Variants in BEND7 observed in about 807,000 individuals in gnomAD.
The protein encoded by BEND7 is BEN domain containing 7, also known as BEN domain-containing protein 7.
Under a neutral mutation model 50.9 loss-of-function variants are expected in BEND7, and 28 were observed. The ratio of observed to expected loss-of-function variants is 0.55; its 90% confidence interval spans 0.41 to 0.75. The LOEUF is 0.75. Among genes scored for constraint, BEND7 ranks in the 30% least tolerant of loss-of-function variants. The probability of loss-of-function intolerance (pLI) is 0.00; values close to 1 mark genes in which losing one functional copy is unlikely to be tolerated. For missense variants in BEND7, 477 were observed against 491.3 expected, an observed-to-expected ratio of 0.97 and a Z score of 0.28; for synonymous variants, 170 against 183.9, an observed-to-expected ratio of 0.92 and a Z score of 0.61.
At chr10:13,521,245 A>G (rs1166550239) in intron 2 of BEND7, among the ~76,000 whole-genome samples, 1 of 151,822 alleles carries the variant, frequency 6.6e-6, no homozygotes, top group Non-Finnish European at 1.5e-5. Flanking sequence ...CCATGCGGTT[A>G]AGGGCTTGCT....
At chr10:13,456,404 C>T (rs950659685) in intron 6 of BEND7, among the ~76,000 whole-genome samples, 3 of 152,154 alleles carry the variant, frequency 2.0e-5, no homozygotes, top group Non-Finnish European at 2.9e-5. Flanking sequence ...TAGGCTAGGC[C>T]GTCTGTCATG....
At chr10:13,486,274 C>T (rs1458536121) in intron 5 of BEND7, among the ~76,000 whole-genome samples, 1 of 152,214 alleles carries the variant, frequency 6.6e-6, no homozygotes, top group Non-Finnish European at 1.5e-5. Context: ...AGCAATCCTC[C>T]TGCCTTGGCC....
chr10:13,470,887 C>A (rs955240614), intron 6 of BEND7, among the ~76,000 whole-genome samples: 1 of 152,202 alleles, frequency 6.6e-6, no homozygotes, highest in Non-Finnish European at 1.5e-5. Context: ...TTGCTGAGGA[C>A]TTAAGGTCCA....
chr10:13,499,576 C>A (rs955402608), intron 3 of BEND7, among the ~76,000 whole-genome samples: 5 of 152,104 alleles, frequency 3.3e-5, no homozygotes, highest in African/African-American at 4.8e-5. Context: ...AACATAGAAC[C>A]CCCTGTCTTT....
intron 6 of BEND7, among the ~76,000 whole-genome samples, chr10:13,460,905 C>G (rs1440826803): frequency 6.6e-6 from 1 of 152,172 alleles, no homozygotes; most frequent in Non-Finnish European, 1.5e-5. Flanking sequence ...TGTGCCAGGA[C>G]TATGCTAGGT....
At position 13,515,907 on chromosome 10, in the gene BEND7, G is replaced by T. The variant is rs377541133; in HGVS notation, c.145+10231C>A. On this transcript the variant is annotated intron_variant, in intron 2 of 8. Transcript: ENST00000466271. The stretch of plus-strand genomic sequence containing the variant: ...TGACGGACACAATGGTGTAGACGGG[G>T]TGCTATCAACAATGGTGTACGTTTA... Among the ~76,000 whole-genome samples, 3 of 152,196 alleles carry T rather than the reference G, an allele frequency of 2.0e-5. No homozygotes were observed. In the South Asian group the frequency reaches 6.2e-4, roughly 32 times the overall value.
intron 6 of BEND7, among the ~76,000 whole-genome samples, chr10:13,457,704 G>C (rs1839292528): frequency 6.6e-6 from 1 of 152,236 alleles, no homozygotes; most frequent in South Asian, 2.1e-4. Context: ...CAGTCAATAT[G>C]CTATGTGAAT....
intron 2 of BEND7, among the ~76,000 whole-genome samples, chr10:13,513,647 A>C (rs1330867861): frequency 6.6e-6 from 1 of 152,090 alleles, no homozygotes; most frequent in South Asian, 2.1e-4. Flanking sequence ...GTATCACTCC[A>C]TGGGGCTACT....
chr10:13,441,208 T>A lies in BEND7; in HGVS notation c.*535A>T. On this transcript the variant is annotated 3_prime_UTR_variant, in exon 9 of 9. Coordinates refer to ENST00000466271, the MANE Select transcript of BEND7 (RefSeq NM_001369863.1). ...ACCAGGCTTGCATTGAATTCTTTTT[T>A]AAAGAACATAGTAATTTTAAAAAAT... is the stretch of plus-strand genomic sequence containing the variant. 2.1e-6 allele frequency: 2 copies of A among 938,700 alleles called. No individual in the cohort carries two copies. Among genetic ancestry groups the A allele is most frequent in the Non-Finnish European group, 2.5e-6 (2 of 787,516 alleles). The allele number at this position is 938,700 out of a possible 1,614,324, so 58.1% of individuals were successfully genotyped here.
intron 2 of BEND7, chr10:13,500,883 A>C (rs779434340): frequency 1.0e-6 from 1 of 970,070 alleles, no homozygotes; most frequent in Non-Finnish European, 1.2e-6. Context: ...TCCCATGCCA[A>C]ACGCACTGCC....
chr10:13,452,534 C>A lies in BEND7; in HGVS notation c.1183+5G>T. ...TCCAATTATTTTTCTGCACCTTAGT[C>A]ATACCTGAGCCTCTTTTTAACCTTC... On this transcript the variant is annotated splice_donor_5th_base_variant and intron_variant, in intron 7 of 8. Transcript: ENST00000466271. 1 of 1,601,088 alleles carries A rather than the reference C, an allele frequency of 6.2e-7. No individual in the cohort carries two copies. The highest frequency in any genetic ancestry group is 1.1e-5 in the South Asian group (1 of 88,124).
intron 2 of BEND7, among the ~76,000 whole-genome samples, chr10:13,504,638 A>G (rs1006028189): frequency 1.3e-5 from 2 of 152,262 alleles, no homozygotes; most frequent in Non-Finnish European, 2.9e-5. Context: ...TCTTTGGAGC[A>G]ACGAGCTCTC....
At chr10:13,477,915 A>G (rs2075575274) in intron 6 of BEND7, among the ~76,000 whole-genome samples, 1 of 152,228 alleles carries the variant, frequency 6.6e-6, no homozygotes, top group South Asian at 2.1e-4. Flanking sequence ...AGGGTAGGGA[A>G]GACTTTCCTT....
At chr10:13,496,919 CA>C in intron 3 of BEND7, 31 bp from the exon 4 acceptor site, 1 of 993,098 alleles carries the variant, frequency 1.0e-6, no homozygotes, top group Non-Finnish European at 1.2e-6. Context: ...TGACATACTC[CA>C]AACAAACCAA....
chr10:13,455,541 G>A (rs564216719), intron 6 of BEND7, among the ~76,000 whole-genome samples: 1 of 152,288 alleles, frequency 6.6e-6, no homozygotes, highest in Non-Finnish European at 1.5e-5. Flanking sequence ...GGGGAGACAG[G>A]AGGGCTGAGG....
intron 6 of BEND7, among the ~76,000 whole-genome samples, chr10:13,461,637 G>A (rs1191116835): frequency 2.0e-5 from 3 of 152,100 alleles, no homozygotes; most frequent in African/African-American, 4.8e-5. Flanking sequence ...GGAGGCTGAG[G>A]CAGGAAAATC....
At chr10:13,446,800 T>A (rs1412819562) in intron 8 of BEND7, 1 of 185,722 alleles carries the variant, frequency 5.4e-6, no homozygotes, top group East Asian at 1.8e-4. Flanking sequence ...ATGGCTGGCC[T>A]TGTTCAAATC....
chr10:13,441,895 T>C, intron 8 of BEND7, 145 bp from the exon 9 acceptor site: 2 of 774,322 alleles, frequency 2.6e-6, no homozygotes, highest in South Asian at 1.8e-5. Flanking sequence ...GCCACACATA[T>C]ATGAGATGTA....
At chr10:13,485,160 G>A (rs1413325072) in intron 5 of BEND7, among the ~76,000 whole-genome samples, 2 of 151,950 alleles carry the variant, frequency 1.3e-5, no homozygotes, top group Admixed American at 1.3e-4. Flanking sequence ...CTGTATAATC[G>A]AAAGAATACA....
Sources: allele counts gnomAD v4.1 joint callset (sites outside exome capture counted in the v4.1 genomes callset), GRCh38; gene constraint gnomAD v4.1.1; transcripts MANE v1.5; gene names NCBI Gene and HGNC (gene_info 2026-07-23, HGNC 2026-07-21).